Variants in TBX4 observed in about 807,000 individuals in gnomAD.
The protein encoded by TBX4 is T-box transcription factor TBX4.
A neutral mutation model predicts 54.6 loss-of-function variants in TBX4; 13 were observed. The observed-to-expected ratio is 0.24, with a 90% CI of 0.15 to 0.38. The LOEUF (loss-of-function observed/expected upper bound fraction) is 0.38. TBX4 is among the 10% of genes least tolerant of loss of function. TBX4 has a pLI of 1.00. For missense variants in TBX4, 631 were observed against 728.5 expected (o/e 0.87, Z 1.54); for synonymous variants, 314 against 306.7 (o/e 1.02, Z -0.25).
Position 61,483,615 on chromosome 17 carries a change from T to A in TBX4, c.*99T>A, listed in dbSNP as rs79894176. On this transcript the variant is annotated 3_prime_UTR_variant, in exon 9 of 9. Transcript: ENST00000644296. This position sits in a 1 kb window ranked among gnomAD's most constrained non-coding sequence, Gnocchi z 6.6. ...CAAGAAACACAGGAAGGTATTCCAG[T>A]GTGTGTGTGTGTGTGTGTGTGTGTG... 2.1e-3 allele frequency: 1,144 copies of A among 555,520 alleles called. 5 individuals carry two copies. In the African/African-American group the frequency reaches 0.022, roughly 11 times the overall value. The allele number at this position is 555,520 out of a possible 1,614,324, so 34.4% of individuals were successfully genotyped here.
Position 61,480,106 on chromosome 17 carries a change from A to T in TBX4, c.808A>T (p.Ile270Phe), listed in dbSNP as rs1742839940. 1 of 1,613,830 alleles carries T rather than the reference A, an allele frequency of 6.2e-7. No homozygotes were observed. The highest frequency in any genetic ancestry group is 8.5e-7 in the Non-Finnish European group (1 of 1,179,946). ...CCCCTTCAGCAAAGAATACCCCGTG[A>T]TTTCCAAAAGCATCATGAGGCAGAG... is the stretch of plus-strand genomic sequence containing the variant. ...ARLQSKEYPV[I>F]SKSIMRQRLI... The change falls in exon 8 of 9, where the codon ATT (isoleucine) becomes TTT (phenylalanine). Residue 270 changes from isoleucine to phenylalanine, a missense_variant. Coordinates refer to ENST00000644296, the MANE Select transcript of TBX4 (RefSeq NM_001321120.2). The surrounding 1 kb of genome is among the most constrained non-coding windows in gnomAD (Gnocchi z 6.2).
rs535104181 is a variant in TBX4, at chr17:61,462,557, G to T, written c.282-3262G>T. ...GCATAGGGAGAGGGTGCAGGGAGGGGAGAGGGGGAGCGCGCAAGGAGGGGG... is the reference window on the plus strand; with the variant it reads ...GCATAGGGAGAGGGTGCAGGGAGGGTAGAGGGGGAGCGCGCAAGGAGGGGG... On this transcript the variant is annotated intron_variant, in intron 3 of 8. Coordinates refer to ENST00000644296, the MANE Select transcript of TBX4 (RefSeq NM_001321120.2). This position sits in a 1 kb window ranked among gnomAD's most constrained non-coding sequence, Gnocchi z 4.5. 1.3e-5 allele frequency among the ~76,000 whole-genome samples: 2 copies of T among 150,670 alleles called. No individual in the cohort carries two copies. Among genetic ancestry groups the T allele is most frequent in the African/African-American group, 4.9e-5 (2 of 41,184 alleles).
chr17:61,452,957 C>T, intron 1 of TBX4: 1 of 985,382 alleles, frequency 1.0e-6, no homozygotes, highest in Non-Finnish European at 1.2e-6. Context: ...GAAGAGGGCC[C>T]CGGTACTGGA....
Position 61,462,857 on chromosome 17 carries a change from A to C in TBX4, c.282-2962A>C, listed in dbSNP as rs947550798. 2 of 152,336 alleles carry C rather than the reference A, an allele frequency of 1.3e-5. No individual in the cohort carries two copies. The highest frequency in any genetic ancestry group is 2.9e-5 in the Non-Finnish European group (2 of 68,102). The allele number at this position is 152,336 out of a possible 1,614,324, so 9.4% of individuals were successfully genotyped here. A position where few individuals can be genotyped will look rare whatever the true frequency, so the allele number is the denominator to read the frequency against. On this transcript the variant is annotated intron_variant, in intron 3 of 8. Coordinates refer to ENST00000644296, the MANE Select transcript of TBX4 (RefSeq NM_001321120.2). This position sits in a 1 kb window ranked among gnomAD's most constrained non-coding sequence, Gnocchi z 4.5. ...CATGAGAGAGGCAGAGCTCACAGGA[A>C]GTCACAGCTCCCAAACCCAGCCTGG...
Position 61,476,589 on chromosome 17 carries a change from C to T in TBX4, c.550-2038C>T, listed in dbSNP as rs1741547970. On this transcript the variant is annotated intron_variant, in intron 5 of 8. Transcript: ENST00000644296. This position sits in a 1 kb window ranked among gnomAD's most constrained non-coding sequence, Gnocchi z 6.5. ...CCCCAGCGTCCTGGAAAGGGACAGA[C>T]ATCGAGGCCTCTCTGAGCGGGACCT... Among the ~76,000 whole-genome samples, 1 of 152,242 alleles carries T rather than the reference C, an allele frequency of 6.6e-6. No individual in the cohort carries two copies. Among genetic ancestry groups the T allele is most frequent in the Non-Finnish European group, 1.5e-5 (1 of 68,040 alleles).
chr17:61,468,767 T>C lies in TBX4; in HGVS notation c.549+1110T>C, dbSNP rs896405160. On this transcript the variant is annotated intron_variant, in intron 5 of 8. Transcript: ENST00000644296. ...GTGAGTCCCTTTGCTGGGTTTCCCA[T>C]ACAGGGCAGGCAGATTCCCAATGGG... Among the ~76,000 whole-genome samples, 23 of 152,326 alleles carry C rather than the reference T, an allele frequency of 1.5e-4. No homozygotes were observed. The South Asian group carries it at 1.7e-3, about 11-fold the overall frequency.
chr17:61,452,818 A>C, intron 1 of TBX4: 1 of 717,842 alleles, frequency 1.4e-6, no homozygotes, highest in Non-Finnish European at 1.7e-6. Context: ...CTCTCTGAGT[A>C]ACGCGATGAA....
chr17:61,482,292 A>G (rs1041554390), intron 8 of TBX4, among the ~76,000 whole-genome samples: 1 of 152,146 alleles, frequency 6.6e-6, no homozygotes, highest in African/African-American at 2.4e-5. Context: ...TATCAGTTCT[A>G]TTTCTTAATT....
At position 61,465,675 on chromosome 17, in the gene TBX4, G is replaced by T. The variant is rs2060530571; in HGVS notation, c.282-144G>T. The T allele has an allele frequency of 3.8e-6, 4 of 1,062,250 alleles. No individual in the cohort carries two copies. The South Asian group carries it at 3.9e-5, about 10-fold the overall frequency. The allele number at this position is 1,062,250 out of a possible 1,614,324, so 65.8% of individuals were successfully genotyped here. Reference sequence around the variant, plus strand: ...TCGGGCAGAGGGGGAAGTGAGTTGTGCAGGTCACACAGCTGTGACCAATGC... The same window carrying T: ...TCGGGCAGAGGGGGAAGTGAGTTGTTCAGGTCACACAGCTGTGACCAATGC... On this transcript the variant is annotated intron_variant, in intron 3 of 8. Coordinates refer to ENST00000644296, the MANE Select transcript of TBX4 (RefSeq NM_001321120.2). The surrounding 1 kb of genome is among the most constrained non-coding windows in gnomAD (Gnocchi z 4.9).
At position 61,483,183 on chromosome 17, in the gene TBX4, G is replaced by T; in HGVS notation, c.1308G>T (p.Glu436Asp). Residue 436 changes from glutamate (E) to aspartate (D), a missense_variant, in exon 9 of 9, where the codon GAG becomes GAT. Glu to Asp is a conservative substitution (Grantham distance 45). Around this residue, in one of 3 missense-constraint regions of TBX4, gnomAD observed 354 missense variants for 368.9 expected, o/e 0.96. Coordinates refer to ENST00000644296, the MANE Select transcript of TBX4 (RefSeq NM_001321120.2). The surrounding 1 kb of genome is among the most constrained non-coding windows in gnomAD (Gnocchi z 6.6). ...CCAGCTATAGCGTGCAGACGATGGAGACTGTGCCGTACCAGCCCTTCCCCA... is the reference window on the plus strand; with the variant it reads ...CCAGCTATAGCGTGCAGACGATGGATACTGTGCCGTACCAGCCCTTCCCCA... ...PYTSYSVQTM[E>D]TVPYQPFPTH... 1 of 1,614,158 alleles carries T rather than the reference G, an allele frequency of 6.2e-7. No individual in the cohort carries two copies. Among genetic ancestry groups the T allele is most frequent in the Non-Finnish European group, 8.5e-7 (1 of 1,180,032 alleles).
At chr17:61,456,919 G>A (rs951805836) in intron 2 of TBX4, among the ~76,000 whole-genome samples, 2 of 152,224 alleles carry the variant, frequency 1.3e-5, no homozygotes, top group African/African-American at 4.8e-5. Context: ...TAGAGATAGA[G>A]GAGAGGGCGG....
In TBX4 at chr17:61,460,978, G is replaced by T. The variant is rs974305187; in HGVS notation, c.281+3347G>T. 2.0e-5 allele frequency among the ~76,000 whole-genome samples: 3 copies of T among 152,214 alleles called. No individual in the cohort carries two copies. Among genetic ancestry groups the T allele is most frequent in the African/African-American group, 4.8e-5 (2 of 41,454 alleles). ...AGGATTTGGCCCGGCTTAATCCGGG[G>T]CTTCAAAGCCAATTGCCCTCACTCT... On this transcript the variant is annotated intron_variant, in intron 3 of 8. Coordinates refer to ENST00000644296, the MANE Select transcript of TBX4 (RefSeq NM_001321120.2). This position sits in a 1 kb window ranked among gnomAD's most constrained non-coding sequence, Gnocchi z 4.4.
At position 61,476,302 on chromosome 17, in the gene TBX4, G is replaced by A. The variant is rs566234039; in HGVS notation, c.550-2325G>A. 1.3e-5 allele frequency among the ~76,000 whole-genome samples: 2 copies of A among 152,216 alleles called. No individual in the cohort carries two copies. The highest frequency in any genetic ancestry group is 4.1e-4 in the South Asian group (2 of 4,824). On this transcript the variant is annotated intron_variant, in intron 5 of 8. Coordinates refer to ENST00000644296, the MANE Select transcript of TBX4 (RefSeq NM_001321120.2). The surrounding 1 kb of genome is among the most constrained non-coding windows in gnomAD (Gnocchi z 6.5). The stretch of plus-strand genomic sequence containing the variant: ...GGAAGATCTGGGTCTTCCTAGAAGA[G>A]ATGTTAGGCCCAGAAGGTGAGAAAA...
rs181880578 is a variant in TBX4 at position 61,459,928 on chromosome 17, G to A, written c.281+2297G>A. On this transcript the variant is annotated intron_variant, in intron 3 of 8. Transcript: ENST00000644296. This position sits in a 1 kb window ranked among gnomAD's most constrained non-coding sequence, Gnocchi z 4.8. The stretch of plus-strand genomic sequence containing the variant: ...CAACCACTGTATTGCTCTGATCTAC[G>A]TTACTCAGGCTGTGGTTCTTCAACA... Among the ~76,000 whole-genome samples the A allele has an allele frequency of 3.2e-3, 478 of 148,976 alleles. 2 individuals are homozygous for A. The highest frequency in any genetic ancestry group is 0.012 in the African/African-American group (463 of 40,204).
At position 61,480,698 on chromosome 17, in the gene TBX4, G is replaced by GT. The variant is rs2060657829; in HGVS notation, c.1021+381dup. Reference sequence around the variant, plus strand: ...GTCCAGAGGTTTTGGGATTGGGGCTGTTGTTTGTCAAAGCAACCTCAATTC... The same window carrying GT: ...GTCCAGAGGTTTTGGGATTGGGGCTGTTTGTTTGTCAAAGCAACCTCAATTC... On this transcript the variant is annotated intron_variant, in intron 8 of 8. Coordinates refer to ENST00000644296, the MANE Select transcript of TBX4 (RefSeq NM_001321120.2). The surrounding 1 kb of genome is among the most constrained non-coding windows in gnomAD (Gnocchi z 6.2). Among the ~76,000 whole-genome samples, 1 of 151,996 alleles carries GT rather than the reference G, an allele frequency of 6.6e-6. No individual in the cohort carries two copies. The highest frequency in any genetic ancestry group is 6.5e-5 in the Admixed American group (1 of 15,278).
At position 61,478,470 on chromosome 17, in the gene TBX4, G is replaced by A. The variant is rs888297582; in HGVS notation, c.550-157G>A. 18 of 983,862 alleles carry A rather than the reference G, an allele frequency of 1.8e-5. No individual in the cohort carries two copies. The highest frequency in any genetic ancestry group is 3.2e-5 in the African/African-American group (2 of 61,764). 60.9% of individuals were successfully genotyped at this position (983,862 alleles called of 1,614,324 possible). On this transcript the variant is annotated intron_variant, in intron 5 of 8. Coordinates refer to ENST00000644296, the MANE Select transcript of TBX4 (RefSeq NM_001321120.2). This position sits in a 1 kb window ranked among gnomAD's most constrained non-coding sequence, Gnocchi z 7.4. ...GGAGAGTTTGGGGCCCAGGGGCCTG[G>A]TTCTTCACTTGGGAGCTCCAGTCCT...
chr17:61,464,031 C>T lies in TBX4; in HGVS notation c.282-1788C>T, dbSNP rs904589813. 6.6e-6 allele frequency among the ~76,000 whole-genome samples: 1 copy of T among 152,176 alleles called. No homozygotes were observed. The highest frequency in any genetic ancestry group is 6.5e-5 in the Admixed American group (1 of 15,288). On this transcript the variant is annotated intron_variant, in intron 3 of 8. Transcript: ENST00000644296. The surrounding 1 kb of genome is among the most constrained non-coding windows in gnomAD (Gnocchi z 5.8). ...TTGGGTTCCTGAGCCCCTCACTTCC[C>T]CCATTCCTGGAGAGGGGGTGGGGTG...
chr17:61,461,219 C>T lies in TBX4; in HGVS notation c.281+3588C>T, dbSNP rs527333713. Reference sequence around the variant, plus strand: ...ATTCCACACACTCTCACCCCTGCCCCTCCCTCAGGGAAAAGATTTCTTAAA... The same window carrying T: ...ATTCCACACACTCTCACCCCTGCCCTTCCCTCAGGGAAAAGATTTCTTAAA... On this transcript the variant is annotated intron_variant, in intron 3 of 8. Coordinates refer to ENST00000644296, the MANE Select transcript of TBX4 (RefSeq NM_001321120.2). The surrounding 1 kb of genome is among the most constrained non-coding windows in gnomAD (Gnocchi z 5.1). 2.8e-4 allele frequency among the ~76,000 whole-genome samples: 43 copies of T among 152,340 alleles called. No individual in the cohort carries two copies. The highest frequency in any genetic ancestry group is 8.5e-4 in the Admixed American group (13 of 15,304).
Position 61,479,791 on chromosome 17 carries a change from G to T in TBX4, c.703-90G>T, listed in dbSNP as rs550224104. 5 of 1,333,506 alleles carry T rather than the reference G, an allele frequency of 3.7e-6. No individual in the cohort carries two copies. The Admixed American group carries it at 6.7e-5, about 18-fold the overall frequency. The allele number at this position is 1,333,506 out of a possible 1,614,324, so 82.6% of individuals were successfully genotyped here. On this transcript the variant is annotated intron_variant, in intron 6 of 8. Transcript: ENST00000644296. This position sits in a 1 kb window ranked among gnomAD's most constrained non-coding sequence, Gnocchi z 6.1. ...GGAGAGCGACCCCTGAGGGAGGGAG[G>T]TTACATGTTATGATCCCATTTACAA...
Sources: allele counts gnomAD v4.1 joint callset (sites outside exome capture counted in the v4.1 genomes callset), GRCh38; gene constraint gnomAD v4.1.1; regional missense constraint gnomAD v4.1.1; non-coding constraint Gnocchi (gnomAD v3.1); transcripts MANE v1.5; gene names NCBI Gene and HGNC (gene_info 2026-07-23, HGNC 2026-07-21).